The following RAB27B variants were observed in gnomAD, a reference collection of about 807,000 sequenced individuals.
RAB27B encodes the protein ras-related protein Rab-27B.
A neutral mutation model predicts 24.6 loss-of-function variants in RAB27B; 15 were observed. That is an observed-to-expected ratio of 0.61 (90% CI 0.41 to 0.94). The LOEUF (loss-of-function observed/expected upper bound fraction) is 0.94, where lower values mean the gene tolerates loss of function less well. Among genes scored for constraint, RAB27B ranks in the 40% least tolerant of loss-of-function variants. RAB27B has a pLI of 0.00. For missense variants in RAB27B, 261 were observed against 266.8 expected (o/e 0.98, Z 0.15); for synonymous variants, 105 against 92.5 (o/e 1.14, Z -0.78).
At position 54,890,424 on chromosome 18, in the gene RAB27B, GATAAA is replaced by G. The variant is rs1013815307; in HGVS notation, c.*1016_*1020del. The G allele has an allele frequency of 4.6e-5, 7 of 152,016 alleles. No individual in the cohort carries two copies. Among genetic ancestry groups the G allele is most frequent in the African/African-American group, 1.7e-4 (7 of 41,412 alleles). The allele number at this position is 152,016 out of a possible 1,614,324, so 9.4% of individuals were successfully genotyped here. ...GAAAACTAGCCTTGAATTTTTTTTAGATAAAATAAGATGGTGATATGAAACAAAAA... is the reference window on the plus strand; with the variant it reads ...GAAAACTAGCCTTGAATTTTTTTTAGATAAGATGGTGATATGAAACAAAAA... On this transcript the variant is annotated 3_prime_UTR_variant, in exon 6 of 6. Transcript: ENST00000262094.
chr18:54,816,771 C>A (rs989414794), intron 2 of RAB27B, among the ~76,000 whole-genome samples: 3 of 152,078 alleles, frequency 2.0e-5, no homozygotes, highest in Non-Finnish European at 4.4e-5. Flanking sequence ...TAAGGGCAAA[C>A]CAGCAATAGC....
chr18:54,795,772 C>T (rs996952942), intron 2 of RAB27B, among the ~76,000 whole-genome samples: 1 of 152,032 alleles, frequency 6.6e-6, no homozygotes, highest in African/African-American at 2.4e-5. Flanking sequence ...GTCAGTTTTG[C>T]ATGTATGCAT....
intron 2 of RAB27B, among the ~76,000 whole-genome samples, chr18:54,823,446 G>T (rs970176381): frequency 6.6e-6 from 1 of 152,182 alleles, no homozygotes; most frequent in South Asian, 2.1e-4. Context: ...TTTTTAAGAG[G>T]ATGGTGAAGG....
chr18:54,877,726 G>T lies in RAB27B; in HGVS notation c.141G>T (p.Arg47=), dbSNP rs147108093. The change falls in exon 2 of 6, where the codon CGG becomes CGT. Residue 47 remains arginine, a synonymous_variant. Coordinates refer to ENST00000262094, the MANE Select transcript of RAB27B (RefSeq NM_004163.4). ...TCACTACAGTAGGAATAGACTTTCG[G>T]GAAAAACGTGTGGTGAGTTTTTAAT... ...KFITTVGIDF[R]EKRVVYNAQG... 5.1e-6 allele frequency: 8 copies of T among 1,579,306 alleles called. No individual in the cohort carries two copies. Among genetic ancestry groups the T allele is most frequent in the Non-Finnish European group, 6.8e-6 (8 of 1,169,444 alleles).
chr18:54,834,926 ATG>A (rs1910836734), intron 1 of RAB27B, among the ~76,000 whole-genome samples: 1 of 151,802 alleles, frequency 6.6e-6, no homozygotes. Context: ...AAATGAGATT[ATG>A]TATTAAATCT....
At chr18:54,745,116 G>A (rs995309852) in intron 2 of RAB27B, 1 of 165,602 alleles carries the variant, frequency 6.0e-6, no homozygotes, top group Non-Finnish European at 1.3e-5. Flanking sequence ...TCTGCTGGTG[G>A]TTACCGATCC....
chr18:54,885,776 A>G (rs1913109569), intron 4 of RAB27B: 1 of 154,172 alleles, frequency 6.5e-6, no homozygotes, highest in African/African-American at 2.4e-5. Flanking sequence ...AAAGAGGTTT[A>G]ATTGACTCAC....
chr18:54,759,824 A>G (rs1908126105), intron 2 of RAB27B, among the ~76,000 whole-genome samples: 2 of 152,200 alleles, frequency 1.3e-5, no homozygotes, highest in Non-Finnish European at 2.9e-5. Context: ...ACTTCAGAGA[A>G]GAGTCCAGCC....
intron 2 of RAB27B, among the ~76,000 whole-genome samples, chr18:54,754,952 C>A (rs117588878): frequency 6.6e-6 from 1 of 152,250 alleles, no homozygotes; most frequent in East Asian, 1.9e-4. Context: ...CTCCTAGGCT[C>A]CTGCATCCCT....
chr18:54,854,133 T>A (rs1358010262), intron 1 of RAB27B, among the ~76,000 whole-genome samples: 1 of 152,212 alleles, frequency 6.6e-6, no homozygotes, highest in East Asian at 1.9e-4. Flanking sequence ...TTATTTACAT[T>A]CGTCTTTAGA....
intron 2 of RAB27B, among the ~76,000 whole-genome samples, chr18:54,754,441 A>G (rs1163818732): frequency 1.3e-5 from 2 of 152,180 alleles, no homozygotes; most frequent in East Asian, 3.9e-4. Context: ...ATAAGTTGTT[A>G]TTGTTAGCAG....
chr18:54,778,483 A>G (rs983622353), intron 2 of RAB27B, among the ~76,000 whole-genome samples: 2 of 152,206 alleles, frequency 1.3e-5, no homozygotes, highest in Non-Finnish European at 2.9e-5. Context: ...ACAACTTTTG[A>G]TGAAACCAAC....
intron 1 of RAB27B, among the ~76,000 whole-genome samples, chr18:54,861,422 G>A (rs746821834): frequency 6.6e-6 from 1 of 152,172 alleles, no homozygotes; most frequent in Non-Finnish European, 1.5e-5. Flanking sequence ...TTCACTGAGG[G>A]TGGCATATCA....
chr18:54,817,503 C>A (rs951410825), intron 2 of RAB27B, among the ~76,000 whole-genome samples: 2 of 152,084 alleles, frequency 1.3e-5, no homozygotes, highest in African/African-American at 4.8e-5. Context: ...ATCTTTTGGG[C>A]ATAAAATACA....
chr18:54,828,961 A>C (rs1910574205), intron 1 of RAB27B, among the ~76,000 whole-genome samples: 1 of 152,234 alleles, frequency 6.6e-6, no homozygotes. Context: ...TACCACCAAA[A>C]AAAGCAAAAA....
At chr18:54,740,617 T>C (rs1461860116) in intron 2 of RAB27B, among the ~76,000 whole-genome samples, 13 of 152,012 alleles carry the variant, frequency 8.6e-5, no homozygotes, top group African/African-American at 3.1e-4. Flanking sequence ...GACCTAGGAG[T>C]GGCTAAAGTG....
At chr18:54,727,553 G>A (rs1909578081) in intron 2 of RAB27B, among the ~76,000 whole-genome samples, 1 of 152,104 alleles carries the variant, frequency 6.6e-6, no homozygotes, top group African/African-American at 2.4e-5. Context: ...TAGCAAAAGT[G>A]TATGCATTAA....
rs5825100 is a variant in RAB27B at position 54,890,760 on chromosome 18, TG to T, written c.*1348del. The T allele has an allele frequency of 0.97, 147,852 of 152,190 alleles. 71,980 individuals carry two copies. Among genetic ancestry groups the T allele is most frequent in the East Asian group, 1 (5,172 of 5,172 alleles). The allele number at this position is 152,190 out of a possible 1,614,324, so 9.4% of individuals were successfully genotyped here. On this transcript the variant is annotated 3_prime_UTR_variant, in exon 6 of 6. Transcript: ENST00000262094. ...GGGGGATTGGGTGAGGAAGGACTTC[TG>T]ATCTTATCTCAACAAAAAACTGGCC...
intron 2 of RAB27B, among the ~76,000 whole-genome samples, chr18:54,813,181 T>C (rs950035739): frequency 2.6e-5 from 4 of 152,192 alleles, no homozygotes; most frequent in Non-Finnish European, 5.9e-5. Context: ...ATCTGCTTAT[T>C]GAAAAATAAA....
Sources: gnomAD v4.1 joint callset for allele counts (sites outside exome capture counted in the v4.1 genomes callset) on GRCh38, gnomAD v4.1.1 for gene constraint, MANE v1.5 for transcripts, NCBI Gene and HGNC (gene_info 2026-07-23, HGNC 2026-07-21) for gene names.